Variants in EYS observed in about 807,000 individuals in gnomAD.
EYS encodes the protein protein eyes shut homolog.
A neutral mutation model predicts 282.1 loss-of-function variants in EYS; 250 were observed. The observed-to-expected ratio is 0.89, with a 90% CI of 0.80 to 0.98. The LOEUF is 0.98. Ranked by LOEUF, EYS falls within the 50% of genes least tolerant of loss-of-function variation. The probability of loss-of-function intolerance (pLI) is 0.00; values close to 1 mark genes in which losing one functional copy is unlikely to be tolerated. For synonymous variants in EYS, 1,355 were observed against 1,282.9 expected, an observed-to-expected ratio of 1.06 and a Z score of -1.20; for missense variants, 4,016 against 3,709.0, an observed-to-expected ratio of 1.08 and a Z score of -2.15.
intron 30 of EYS, among the ~76,000 whole-genome samples, chr6:64,260,156 A>C (rs1296321456): frequency 6.6e-6 from 1 of 151,470 alleles, no homozygotes; most frequent in African/African-American, 2.4e-5. Context: ...TTTTTCCTTC[A>C]TTTCTTTTAC....
chr6:64,720,719 T>C (rs1771550018), intron 22 of EYS, among the ~76,000 whole-genome samples: 1 of 152,206 alleles, frequency 6.6e-6, no homozygotes, highest in Non-Finnish European at 1.5e-5. Flanking sequence ...ACTGTGTTTT[T>C]GGACTCCTCC....
chr6:65,362,994 T>A (rs1764772412), intron 8 of EYS, among the ~76,000 whole-genome samples: 1 of 152,068 alleles, frequency 6.6e-6, no homozygotes, highest in African/African-American at 2.4e-5. Context: ...ATGAAAATGA[T>A]CTGATTGCAT....
intron 40 of EYS, 115 bp from the exon 41 acceptor site, chr6:63,762,748 T>A: frequency 2.0e-6 from 2 of 986,188 alleles, no homozygotes; most frequent in Non-Finnish European, 2.9e-6. Flanking sequence ...GAGATCAAAA[T>A]GAATTGTGAT....
At chr6:65,639,723 A>C (rs1051944350) in intron 2 of EYS, 55 bp downstream of exon 2, 2 of 152,128 alleles carry the variant, frequency 1.3e-5, no homozygotes, top group Admixed American at 6.5e-5. Flanking sequence ...GCAGGGAATG[A>C]GGCAAGATTA....
chr6:65,494,701 T>A lies in EYS; in HGVS notation c.710A>T (p.Glu237Val). 1.3e-6 allele frequency: 2 copies of A among 1,594,684 alleles called. No individual in the cohort carries two copies. The highest frequency in any genetic ancestry group is 1.7e-6 in the Non-Finnish European group (2 of 1,168,832). Residue 237 changes from glutamate (E) to valine (V), a missense_variant, in exon 4 of 43, where the codon GAG becomes GTG. By Grantham distance (121) the Glu-to-Val change is moderately radical. Coordinates refer to ENST00000503581, the MANE Select transcript of EYS (RefSeq NM_001142800.2). The part of the protein sequence containing the change: ...SCINKRENWD[E>V]QAYECVCHPP... ...GTGACAGACACATTCATATGCTTGC[T>A]CATCCCAATTTTCTCTTTTATTAAT... is the stretch of plus-strand genomic sequence containing the variant.
intron 14 of EYS, among the ~76,000 whole-genome samples, chr6:64,993,513 G>A (rs920406021): frequency 1.4e-5 from 2 of 146,270 alleles, no homozygotes; most frequent in South Asian, 2.2e-4. Context: ...ACTCATAGGT[G>A]GGAATTGAAC....
intron 30 of EYS, among the ~76,000 whole-genome samples, chr6:64,234,965 C>T (rs1336839595): frequency 6.6e-6 from 1 of 151,984 alleles, no homozygotes; most frequent in African/African-American, 2.4e-5. Flanking sequence ...GCAACCCCCG[C>T]CTCCCGGGTT....
At chr6:63,745,227 A>G (rs559300088) in intron 41 of EYS, among the ~76,000 whole-genome samples, 2 of 152,314 alleles carry the variant, frequency 1.3e-5, no homozygotes, top group South Asian at 4.1e-4. Context: ...GAGGCTTTCC[A>G]CCAAAAAACT....
intron 31 of EYS, among the ~76,000 whole-genome samples, chr6:64,199,240 A>G (rs1231585225): frequency 6.6e-6 from 1 of 152,206 alleles, no homozygotes; most frequent in Admixed American, 6.5e-5. Flanking sequence ...ACAGATATAT[A>G]GACCAATGTA....
intron 22 of EYS, among the ~76,000 whole-genome samples, chr6:64,804,061 A>G (rs111508947): frequency 8.1e-4 from 124 of 152,184 alleles, no homozygotes; most frequent in African/African-American, 2.6e-3. Flanking sequence ...TGCCTCACCT[A>G]CTGCAGCCAG....
chr6:65,140,742 C>T lies in EYS; in HGVS notation c.2024-83015G>A, dbSNP rs1196338450. Among the ~76,000 whole-genome samples, 11 of 151,986 alleles carry T rather than the reference C, an allele frequency of 7.2e-5. No individual in the cohort carries two copies. The East Asian group carries it at 7.8e-4, about 11-fold the overall frequency. The stretch of plus-strand genomic sequence containing the variant: ...TGCAGCCAAAAGACACGTGAAAAAA[C>T]GCTCATCATCACTGGCCATCAGAGA... On this transcript the variant is annotated intron_variant, in intron 12 of 42. Transcript: ENST00000503581.
intron 31 of EYS, among the ~76,000 whole-genome samples, chr6:64,093,613 A>T (rs1433545972): frequency 6.6e-6 from 1 of 152,176 alleles, no homozygotes; most frequent in Non-Finnish European, 1.5e-5. Flanking sequence ...TAGTATCCCG[A>T]GACTTTGTTG....
At chr6:64,199,889 G>T (rs1483006052) in intron 31 of EYS, among the ~76,000 whole-genome samples, 1 of 152,080 alleles carries the variant, frequency 6.6e-6, no homozygotes, top group African/African-American at 2.4e-5. Context: ...AATGTTTATT[G>T]CAGGTTTTTC....
At chr6:65,434,360 G>T (rs933973202) in intron 5 of EYS, among the ~76,000 whole-genome samples, 12 of 144,324 alleles carry the variant, frequency 8.3e-5, no homozygotes, top group Non-Finnish European at 1.8e-4. Flanking sequence ...TCGCTCTGTT[G>T]CCCAGGCTGG....
At chr6:64,235,161 C>A (rs1266996544) in intron 30 of EYS, among the ~76,000 whole-genome samples, 1 of 151,160 alleles carries the variant, frequency 6.6e-6, no homozygotes, top group Non-Finnish European at 1.5e-5. Context: ...CATATGTATA[C>A]ATGTGCCATG....
intron 24 of EYS, among the ~76,000 whole-genome samples, chr6:64,615,892 T>C (rs1386273746): frequency 6.6e-6 from 1 of 152,054 alleles, no homozygotes. Context: ...AGTAGACATG[T>C]GGTCTTATAA....
rs147992021 is a variant in EYS, at chr6:64,811,777, T to G, written c.3443+1601A>C. ...CCTCATCAGAAGCCAAACAGATGCC[T>G]ATGCCATGCTCTTGGGCTTTTCAGC... On this transcript the variant is annotated intron_variant, in intron 22 of 42. Transcript: ENST00000503581. Among the ~76,000 whole-genome samples, 687 of 152,236 alleles carry G rather than the reference T, an allele frequency of 4.5e-3. 17 individuals are homozygous for G. The highest frequency in any genetic ancestry group is 0.035 in the Admixed American group (539 of 15,256).
chr6:65,168,762 T>C (rs1765035965), intron 12 of EYS, among the ~76,000 whole-genome samples: 1 of 151,368 alleles, frequency 6.6e-6, no homozygotes, highest in Non-Finnish European at 1.5e-5. Flanking sequence ...TTTCAACTTC[T>C]TTCAAGACGG....
At chr6:64,280,085 G>T (rs1257738642) in intron 30 of EYS, among the ~76,000 whole-genome samples, 1 of 152,116 alleles carries the variant, frequency 6.6e-6, no homozygotes, top group East Asian at 1.9e-4. Flanking sequence ...AAATCACACT[G>T]TTGCTCTCTC....
Sources: gnomAD v4.1 joint callset for allele counts (sites outside exome capture counted in the v4.1 genomes callset) on GRCh38, gnomAD v4.1.1 for gene constraint, MANE v1.5 for transcripts, NCBI Gene and HGNC (gene_info 2026-07-23, HGNC 2026-07-21) for gene names.